Variants in IGF2BP3 observed in about 807,000 individuals in gnomAD.
IGF2BP3 encodes insulin-like growth factor 2 mRNA-binding protein 3.
IGF2BP3 carries 9 observed loss-of-function variants against 73.8 expected under a neutral mutation model. That is an observed-to-expected ratio of 0.12 (90% confidence interval 0.07 to 0.21). The LOEUF (loss-of-function observed/expected upper bound fraction) is 0.21, where lower values mean the gene tolerates loss of function less well. Among genes scored for constraint, IGF2BP3 ranks in the 10% least tolerant of loss-of-function variants. The pLI, the probability that IGF2BP3 is intolerant of heterozygous loss-of-function variation, is 1.00. For synonymous variants in IGF2BP3, 258 were observed against 256.7 expected (o/e 1.01, Z -0.05); for missense variants, 542 against 714.0 (o/e 0.76, Z 2.75).
At chr7:23,406,584 G>A (rs1194980243) in intron 3 of IGF2BP3, among the ~76,000 whole-genome samples, 1 of 152,186 alleles carries the variant, frequency 6.6e-6, no homozygotes, top group African/African-American at 2.4e-5. Flanking sequence ...CTTAAAGGTA[G>A]TGTGGACCCA....
chr7:23,409,085 G>T (rs1665884073), intron 3 of IGF2BP3, among the ~76,000 whole-genome samples: 1 of 152,078 alleles, frequency 6.6e-6, no homozygotes, highest in African/African-American at 2.4e-5. Context: ...TCACAATAGG[G>T]TATGCATTCC....
chr7:23,338,367 A>C (rs919001661), intron 10 of IGF2BP3, among the ~76,000 whole-genome samples: 2 of 152,178 alleles, frequency 1.3e-5, no homozygotes, highest in Admixed American at 6.5e-5. Flanking sequence ...GTAGAACAGA[A>C]GTTCTTAGCT....
At chr7:23,381,371 A>C (rs976210938) in intron 3 of IGF2BP3, among the ~76,000 whole-genome samples, 1 of 152,228 alleles carries the variant, frequency 6.6e-6, no homozygotes, top group African/African-American at 2.4e-5. Context: ...GTCAGTGCTC[A>C]ATAGGCTACA....
chr7:23,417,115 T>C (rs796752003), intron 3 of IGF2BP3, among the ~76,000 whole-genome samples: 51 of 152,182 alleles, frequency 3.4e-4, no homozygotes, highest in African/African-American at 1.2e-3. Flanking sequence ...AAAAAGGAAA[T>C]AGTGTTCCCT....
At chr7:23,427,653 C>T (rs1338800178) in intron 2 of IGF2BP3, among the ~76,000 whole-genome samples, 1 of 152,066 alleles carries the variant, frequency 6.6e-6, no homozygotes. Flanking sequence ...GGGTGGATCA[C>T]CTGAGGTCCA....
intron 10 of IGF2BP3, among the ~76,000 whole-genome samples, chr7:23,327,381 C>T (rs960297333): frequency 1.1e-4 from 16 of 151,050 alleles, no homozygotes; most frequent in African/African-American, 3.2e-4. Context: ...CCCGGGTTCA[C>T]GCCATTCTCC....
At chr7:23,431,855 T>TAA (rs1787689154) in intron 2 of IGF2BP3, among the ~76,000 whole-genome samples, 2 of 151,830 alleles carry the variant, frequency 1.3e-5, no homozygotes, top group South Asian at 4.1e-4. Context: ...TCTCTCTCTC[T>TAA]TATGGATTGG....
Position 23,375,338 on chromosome 7 carries a change from T to G in IGF2BP3, c.286-13597A>C, listed in dbSNP as rs150618648. 2.3e-4 allele frequency among the ~76,000 whole-genome samples: 35 copies of G among 152,270 alleles called. No homozygotes were observed. The East Asian group carries it at 6.8e-3, about 29-fold the overall frequency. On this transcript the variant is annotated intron_variant, in intron 3 of 14. Transcript: ENST00000258729. ...TTCAATAGGTGGGAGTCCCAGCTATTGATCTGCTATCTTTCTTTCATTCCA... is the reference window on the plus strand; with the variant it reads ...TTCAATAGGTGGGAGTCCCAGCTATGGATCTGCTATCTTTCTTTCATTCCA...
intron 3 of IGF2BP3, among the ~76,000 whole-genome samples, chr7:23,418,438 CTT>C (rs1787253632): frequency 5.9e-5 from 9 of 152,170 alleles, no homozygotes; most frequent in Non-Finnish European, 1.3e-4. Flanking sequence ...CTTTTTAAAA[CTT>C]TGCCAAGATA....
intron 12 of IGF2BP3, among the ~76,000 whole-genome samples, chr7:23,316,567 C>T (rs1241059857): frequency 1.3e-5 from 2 of 149,788 alleles, no homozygotes; most frequent in East Asian, 2.0e-4. Flanking sequence ...CCCAGCTACT[C>T]GGGAGGCGGA....
chr7:23,457,594 G>A (rs1788353318), intron 2 of IGF2BP3, among the ~76,000 whole-genome samples: 1 of 152,098 alleles, frequency 6.6e-6, no homozygotes, highest in Non-Finnish European at 1.5e-5. Context: ...TGCATCTGTT[G>A]GTTACAAAAG....
chr7:23,398,725 C>G (rs1431304809), intron 3 of IGF2BP3, among the ~76,000 whole-genome samples: 1 of 152,138 alleles, frequency 6.6e-6, no homozygotes, highest in Admixed American at 6.6e-5. Flanking sequence ...TGAGAAGTGT[C>G]TGTTCATATC....
chr7:23,414,842 C>A, intron 3 of IGF2BP3: 1 of 171,874 alleles, frequency 5.8e-6, no homozygotes, highest in South Asian at 1.2e-4. Flanking sequence ...CATCAGTCGA[C>A]ATCAGCAGGC....
chr7:23,339,399 T>A (rs6958632), intron 10 of IGF2BP3, among the ~76,000 whole-genome samples: 1 of 152,198 alleles, frequency 6.6e-6, no homozygotes, highest in African/African-American at 2.4e-5. Context: ...TTTTCTAACA[T>A]AGGAACCTGA....
intron 2 of IGF2BP3, among the ~76,000 whole-genome samples, chr7:23,466,290 TG>T (rs1279685133): frequency 6.6e-6 from 1 of 152,242 alleles, no homozygotes; most frequent in Non-Finnish European, 1.5e-5. Flanking sequence ...CCCAAAGTGC[TG>T]GGATTACAGG....
chr7:23,315,295 A>T (rs1030456772), intron 12 of IGF2BP3, among the ~76,000 whole-genome samples: 2 of 151,614 alleles, frequency 1.3e-5, no homozygotes, highest in Non-Finnish European at 2.9e-5. Context: ...TTTAGTAGAG[A>T]TGGAGTTTTG....
chr7:23,424,842 T>C (rs1044104156), intron 2 of IGF2BP3, among the ~76,000 whole-genome samples: 4 of 152,152 alleles, frequency 2.6e-5, no homozygotes, highest in Admixed American at 2.6e-4. Context: ...CTGATTTAAG[T>C]TGATTTTATA....
chr7:23,407,312 GAA>G (rs1357095069), intron 3 of IGF2BP3, among the ~76,000 whole-genome samples: 2 of 134,880 alleles, frequency 1.5e-5, no homozygotes. Context: ...TTGAGCATAA[GAA>G]AAAAAAAAAA....
In IGF2BP3 at chr7:23,345,931, A is replaced by C. The variant is rs771395175; in HGVS notation, c.941+9T>G. Reference sequence around the variant, plus strand: ...AAGTTTTCTTATTCAAAAGCAAAGGAGCACTCACGGAGATATCGTGATTTT... The same window carrying C: ...AAGTTTTCTTATTCAAAAGCAAAGGCGCACTCACGGAGATATCGTGATTTT... On this transcript the variant is annotated intron_variant, in intron 8 of 14. Transcript: ENST00000258729. 1 of 1,610,462 alleles carries C rather than the reference A, an allele frequency of 6.2e-7. No homozygotes were observed. The highest frequency in any genetic ancestry group is 8.5e-7 in the Non-Finnish European group (1 of 1,179,612).
Sources: allele counts gnomAD v4.1 joint callset (sites outside exome capture counted in the v4.1 genomes callset), GRCh38; gene constraint gnomAD v4.1.1; transcripts MANE v1.5; gene names NCBI Gene and HGNC (gene_info 2026-07-23, HGNC 2026-07-21).